Variants in NTRK3 observed in about 807,000 individuals in gnomAD.
The protein encoded by NTRK3 is NT-3 growth factor receptor.
A neutral mutation model predicts 91.7 loss-of-function variants in NTRK3; 24 were observed. The observed-to-expected ratio is 0.26, with a 90% CI of 0.19 to 0.37. The LOEUF is 0.37. NTRK3 is among the 10% of genes least tolerant of loss of function. The probability of loss-of-function intolerance (pLI) is 1.00; values close to 1 mark genes in which losing one functional copy is unlikely to be tolerated. For missense variants in NTRK3, 880 were observed against 1,068.9 expected, an observed-to-expected ratio of 0.82 and a Z score of 2.46; for synonymous variants, 483 against 404.0, an observed-to-expected ratio of 1.20 and a Z score of -2.34.
chr15:88,048,842 A>G (rs2080510695), intron 13 of NTRK3, among the ~76,000 whole-genome samples: 1 of 152,214 alleles, frequency 6.6e-6, no homozygotes, highest in Non-Finnish European at 1.5e-5. Flanking sequence ...GGATGCCACA[A>G]GGGTCCTGAG....
intron 13 of NTRK3, among the ~76,000 whole-genome samples, chr15:88,091,741 T>C (rs1481757022): frequency 2.0e-5 from 3 of 152,196 alleles, no homozygotes; most frequent in Non-Finnish European, 4.4e-5. Flanking sequence ...ATCTGACCCA[T>C]ATTTGTCGAC....
At chr15:87,881,744 C>T (rs1356784455) in intron 17 of NTRK3, among the ~76,000 whole-genome samples, 2 of 151,734 alleles carry the variant, frequency 1.3e-5, no homozygotes, top group Non-Finnish European at 2.9e-5. Flanking sequence ...TATGGGGGGT[C>T]AGTTAGAGAA....
At chr15:87,875,235 A>AG (rs1184491138) in exon 19 of NTRK3, 2 of 230,156 alleles carry the variant, frequency 8.7e-6, no homozygotes, top group African/African-American at 4.4e-5. Flanking sequence ...TCAGTCCCTT[A>AG]GGTAGCTCTG....
rs1175750418 is a variant in NTRK3 at position 88,240,722 on chromosome 15, T to A, written c.248+15184A>T. 2.0e-5 allele frequency among the ~76,000 whole-genome samples: 3 copies of A among 152,200 alleles called. No homozygotes were observed. The highest frequency in any genetic ancestry group is 4.4e-5 in the Non-Finnish European group (3 of 68,034). ...ATGAGGATGATCGTGGGACCTGCCA[T>A]GTCACTGTGCTGAGAATGGAAGCGG... On this transcript the variant is annotated intron_variant, in intron 3 of 18. Coordinates refer to ENST00000394480, the Ensembl canonical transcript of NTRK3. The surrounding 1 kb of genome is among the most constrained non-coding windows in gnomAD (Gnocchi z 4.9).
At chr15:87,998,888 G>C (rs1049052804) in intron 14 of NTRK3, among the ~76,000 whole-genome samples, 1 of 152,178 alleles carries the variant, frequency 6.6e-6, no homozygotes, top group Non-Finnish European at 1.5e-5. Context: ...GAAATGCCTT[G>C]CTGGTAGGGA....
chr15:87,951,335 G>T (rs2071085931), intron 14 of NTRK3, among the ~76,000 whole-genome samples: 1 of 152,194 alleles, frequency 6.6e-6, no homozygotes, highest in Non-Finnish European at 1.5e-5. Context: ...CTCCTGGGCA[G>T]CTCAGAGGAA....
chr15:87,937,554 T>C (rs1413785199), intron 15 of NTRK3, among the ~76,000 whole-genome samples: 1 of 152,070 alleles, frequency 6.6e-6, no homozygotes, highest in Non-Finnish European at 1.5e-5. Context: ...AAAACACCCT[T>C]CAAGCCAAAA....
chr15:88,190,758 C>T (rs2047320499), intron 3 of NTRK3, among the ~76,000 whole-genome samples: 2 of 152,174 alleles, frequency 1.3e-5, no homozygotes, highest in Non-Finnish European at 1.5e-5. Context: ...GTTACTAGAG[C>T]TTCTCCAGCC....
At chr15:87,889,729 T>C (rs569233526) in intron 17 of NTRK3, among the ~76,000 whole-genome samples, 1 of 152,228 alleles carries the variant, frequency 6.6e-6, no homozygotes, top group Non-Finnish European at 1.5e-5. Context: ...TGACTTAGAC[T>C]CAAAGGGTAG....
At chr15:87,968,855 G>C (rs149811987) in intron 14 of NTRK3, among the ~76,000 whole-genome samples, 1 of 152,158 alleles carries the variant, frequency 6.6e-6, no homozygotes, top group Non-Finnish European at 1.5e-5. Context: ...CCATGCTATA[G>C]AATCAGGATA....
intron 13 of NTRK3, among the ~76,000 whole-genome samples, chr15:88,094,147 G>A (rs1191294457): frequency 2.6e-5 from 4 of 152,164 alleles, no homozygotes; most frequent in Non-Finnish European, 4.4e-5. Context: ...TTTGGAAGAA[G>A]TGGGCTGCAG....
At chr15:88,137,769 C>A (rs1387329159) in intron 6 of NTRK3, among the ~76,000 whole-genome samples, 3 of 152,174 alleles carry the variant, frequency 2.0e-5, no homozygotes, top group African/African-American at 7.2e-5. Context: ...AAAAAGAAAT[C>A]CAGCCAGGTG....
chr15:88,166,885 C>T (rs1467677904), intron 5 of NTRK3, among the ~76,000 whole-genome samples: 1 of 152,160 alleles, frequency 6.6e-6, no homozygotes, highest in African/African-American at 2.4e-5. Flanking sequence ...CAGAGCTTAA[C>T]ACAATAAATA....
chr15:88,217,915 C>T (rs1275008879), intron 3 of NTRK3, among the ~76,000 whole-genome samples: 1 of 152,086 alleles, frequency 6.6e-6, no homozygotes, highest in Non-Finnish European at 1.5e-5. Context: ...CCCGCCACCG[C>T]GTCCGGTTAA....
chr15:88,179,865 T>A (rs2046310141), intron 5 of NTRK3, among the ~76,000 whole-genome samples: 1 of 152,184 alleles, frequency 6.6e-6, no homozygotes, highest in Non-Finnish European at 1.5e-5. Context: ...AGAGAACTTA[T>A]CCGAATTTAT....
At chr15:88,000,218 T>A (rs2076002059) in intron 14 of NTRK3, among the ~76,000 whole-genome samples, 1 of 152,138 alleles carries the variant, frequency 6.6e-6, no homozygotes, top group Non-Finnish European at 1.5e-5. Flanking sequence ...TGTCGACATA[T>A]GTCCATACTA....
intron 13 of NTRK3, among the ~76,000 whole-genome samples, chr15:88,039,764 T>C (rs2079427118): frequency 6.6e-6 from 1 of 152,182 alleles, no homozygotes; most frequent in South Asian, 2.1e-4. Flanking sequence ...GCCACGACAA[T>C]ACATTGAACA....
intron 13 of NTRK3, among the ~76,000 whole-genome samples, 171 bp from the exon 14 acceptor site, chr15:88,033,216 A>ATATATATATGTAT (rs1567262261): frequency 8.2e-6 from 1 of 122,012 alleles, no homozygotes; most frequent in Non-Finnish European, 1.7e-5. Context: ...ATATATATAT[A>ATATATATATGTAT]AATTCAGTTG....
chr15:88,024,020 T>C (rs1596768790), intron 14 of NTRK3, among the ~76,000 whole-genome samples: 1 of 152,230 alleles, frequency 6.6e-6, no homozygotes, highest in Non-Finnish European at 1.5e-5. Flanking sequence ...TTTGTTAGCA[T>C]AGAAGGTGAC....
Sources: gnomAD v4.1 joint callset for allele counts (sites outside exome capture counted in the v4.1 genomes callset) on GRCh38, gnomAD v4.1.1 for gene constraint, Gnocchi (gnomAD v3.1) non-coding constraint, MANE v1.5 for transcripts, NCBI Gene and HGNC (gene_info 2026-07-23, HGNC 2026-07-21) for gene names.